Variants in PRKG1 observed in about 807,000 individuals in gnomAD.
PRKG1 encodes the protein cGMP-dependent protein kinase 1.
PRKG1 carries 35 observed loss-of-function variants against 88.1 expected under a neutral mutation model. That is an observed-to-expected ratio of 0.40 (90% CI 0.30 to 0.53). The LOEUF (loss-of-function observed/expected upper bound fraction) is 0.53. PRKG1 is among the 20% of genes least tolerant of loss of function. The pLI is 0.59. For synonymous variants in PRKG1, 303 were observed against 292.5 expected (o/e 1.04, Z -0.37); for missense variants, 540 against 839.8 (o/e 0.64, Z 4.41).
chr10:51,843,535 A>G (rs544497571), intron 4 of PRKG1, among the ~76,000 whole-genome samples: 1 of 152,338 alleles, frequency 6.6e-6, no homozygotes, highest in East Asian at 1.9e-4. Flanking sequence ...AGGCAGGTCA[A>G]GTCTTAAAGA....
chr10:52,095,993 A>T (rs1020188142), intron 7 of PRKG1, among the ~76,000 whole-genome samples: 5 of 152,200 alleles, frequency 3.3e-5, no homozygotes, highest in African/African-American at 9.6e-5. Flanking sequence ...GGAAGTGAGC[A>T]GTCTGTAAGG....
rs535674194 is a variant in PRKG1, at chr10:51,464,325, T to C, written c.479-3398T>C. Among the ~76,000 whole-genome samples the C allele has an allele frequency of 3.3e-5, 5 of 152,158 alleles. No homozygotes were observed. In the East Asian group the frequency reaches 5.8e-4, roughly 18 times the overall value. ...CTTTTTGGATCATTCTCATCTATCA[T>C]ATGACATCACATCCCTTACTTTTTT... On this transcript the variant is annotated intron_variant, in intron 2 of 17. Transcript: ENST00000373980.
intron 3 of PRKG1, among the ~76,000 whole-genome samples, chr10:51,658,728 C>T (rs10762289): frequency 0.52 from 79,145 of 151,812 alleles, 22,170 homozygotes; most frequent in East Asian, 0.72. Flanking sequence ...CCATAGAGAG[C>T]GGTTCTTTTA....
chr10:52,022,381 A>C lies in PRKG1; in HGVS notation c.763-32103A>C, dbSNP rs558718319. Among the ~76,000 whole-genome samples, 462 of 152,316 alleles carry C rather than the reference A, an allele frequency of 3.0e-3. 2 individuals are homozygous for C. Among genetic ancestry groups the C allele is most frequent in the African/African-American group, 0.011 (442 of 41,580 alleles). On this transcript the variant is annotated intron_variant, in intron 5 of 17. Transcript: ENST00000373980. ...TTTTTTACTTCATTATTGATCAATG[A>C]AAAATGTTTCAAATATTTACATTTA...
At chr10:52,115,147 C>T (rs1349185289) in intron 7 of PRKG1, among the ~76,000 whole-genome samples, 1 of 151,950 alleles carries the variant, frequency 6.6e-6, no homozygotes, top group Non-Finnish European at 1.5e-5. Flanking sequence ...AGGGGTTTTT[C>T]TAGCAATTCA....
At chr10:52,219,495 A>G (rs1378641708) in intron 9 of PRKG1, among the ~76,000 whole-genome samples, 1 of 152,168 alleles carries the variant, frequency 6.6e-6, no homozygotes, top group African/African-American at 2.4e-5. Context: ...TTCTCCTCCA[A>G]TAAGCTTTTA....
At chr10:51,218,551 TTATATATATGTATTTGGCA>T (rs1838438588) in intron 2 of PRKG1, among the ~76,000 whole-genome samples, 2 of 134,372 alleles carry the variant, frequency 1.5e-5, no homozygotes, top group Admixed American at 7.5e-5. Flanking sequence ...TATTTGGCAT[TTATATATATGTATTTGGCA>T]TATATATATG....
In PRKG1 at chr10:51,153,576, A is replaced by T. The variant is rs1043303236; in HGVS notation, c.478+246A>T. 2.0e-5 allele frequency among the ~76,000 whole-genome samples: 3 copies of T among 152,162 alleles called. No homozygotes were observed. In the East Asian group the frequency reaches 5.8e-4, roughly 29 times the overall value. On this transcript the variant is annotated intron_variant, in intron 2 of 17. Transcript: ENST00000373980. ...GACATGGAAAAGTTAAAAATGTGAA[A>T]AAAGAAATATAGTTTATTACACTGA...
At chr10:51,956,610 T>C (rs1843308655) in intron 5 of PRKG1, among the ~76,000 whole-genome samples, 1 of 152,134 alleles carries the variant, frequency 6.6e-6, no homozygotes, top group Admixed American at 6.6e-5. Flanking sequence ...GAAATCAAAG[T>C]AATTCAGATT....
At chr10:52,234,300 A>C (rs1022483913) in intron 9 of PRKG1, among the ~76,000 whole-genome samples, 2 of 152,256 alleles carry the variant, frequency 1.3e-5, no homozygotes, top group African/African-American at 4.8e-5. Flanking sequence ...CAGCAACGGA[A>C]CAAAGCTGGA....
intron 3 of PRKG1, among the ~76,000 whole-genome samples, chr10:51,670,741 A>AAATAAAT (rs1564599436): frequency 7.2e-4 from 68 of 94,592 alleles, no homozygotes; most frequent in Middle Eastern, 5.3e-3. Flanking sequence ...GTCTCAAAAA[A>AAATAAAT]AAATAAATAA....
chr10:51,731,031 C>T (rs55651248), intron 3 of PRKG1, among the ~76,000 whole-genome samples: 2,143 of 152,160 alleles, frequency 0.014, 55 homozygotes, highest in African/African-American at 0.049. Flanking sequence ...TGGTGGGTGC[C>T]TGTAATCCCA....
In PRKG1 at chr10:52,059,762, T is replaced by C. The variant is rs901475392; in HGVS notation, c.841-2775T>C. 4.6e-5 allele frequency among the ~76,000 whole-genome samples: 7 copies of C among 151,754 alleles called. 1 individual carries two copies. Among genetic ancestry groups the C allele is most frequent in the Admixed American group, 3.9e-4 (6 of 15,238 alleles). ...CTACAACTATATTCCAAAAAAGAAGTAAATTTTACTATATGATAGAAGTAA... is the reference window on the plus strand; with the variant it reads ...CTACAACTATATTCCAAAAAAGAAGCAAATTTTACTATATGATAGAAGTAA... On this transcript the variant is annotated intron_variant, in intron 6 of 17. Coordinates refer to ENST00000373980, the MANE Select transcript of PRKG1 (RefSeq NM_006258.4).
chr10:51,194,848 A>C (rs746485662), intron 2 of PRKG1, among the ~76,000 whole-genome samples: 40 of 152,272 alleles, frequency 2.6e-4, no homozygotes, highest in South Asian at 2.1e-4. Flanking sequence ...GGGAGAGAGA[A>C]AGCGGGAACC....
At chr10:51,975,770 A>T (rs543218997) in intron 5 of PRKG1, among the ~76,000 whole-genome samples, 1 of 152,084 alleles carries the variant, frequency 6.6e-6, no homozygotes, top group Non-Finnish European at 1.5e-5. Flanking sequence ...TGACACTAAA[A>T]CTAAAAATTT....
At chr10:51,098,163 G>A (rs1212254389) in intron 1 of PRKG1, among the ~76,000 whole-genome samples, 2 of 152,126 alleles carry the variant, frequency 1.3e-5, no homozygotes, top group African/African-American at 4.8e-5. Flanking sequence ...AGTATGCATA[G>A]TGTTTATGAG....
At chr10:51,094,763 C>T (rs1020189742) in intron 1 of PRKG1, among the ~76,000 whole-genome samples, 1 of 152,164 alleles carries the variant, frequency 6.6e-6, no homozygotes, top group Non-Finnish European at 1.5e-5. Flanking sequence ...GAGTTTTCTG[C>T]AAACGTACAA....
chr10:51,029,704 T>A (rs1843255972), intron 1 of PRKG1, among the ~76,000 whole-genome samples: 1 of 152,172 alleles, frequency 6.6e-6, no homozygotes, highest in Admixed American at 6.5e-5. Context: ...GTTTGCTTAT[T>A]TGAGAACAAA....
chr10:52,171,786 A>AATTTTTTTTTTTTTTTTTTTTTTT, intron 9 of PRKG1, among the ~76,000 whole-genome samples: 1 of 93,860 alleles, frequency 1.1e-5, no homozygotes, highest in African/African-American at 4.3e-5. Context: ...TTTTATCAAA[A>AATTTTTTTTTTTTTTTTTTTTTTT]TTTTTTTTTT....
Sources: gnomAD v4.1 joint callset for allele counts (sites outside exome capture counted in the v4.1 genomes callset) on GRCh38, gnomAD v4.1.1 for gene constraint, MANE v1.5 for transcripts, NCBI Gene and HGNC (gene_info 2026-07-23, HGNC 2026-07-21) for gene names.